GRAMD1B: variants seen among roughly 807,000 people sequenced by gnomAD.
GRAMD1B encodes the protein protein Aster-B.
In GRAMD1B, 37 loss-of-function variants were observed where a neutral mutation model predicts 99.7. The ratio of observed to expected loss-of-function variants is 0.37; its 90% CI spans 0.29 to 0.49. The LOEUF is 0.49. GRAMD1B is among the 20% of genes least tolerant of loss of function. The pLI, the probability that GRAMD1B is intolerant of heterozygous loss-of-function variation, is 0.98. For synonymous variants in GRAMD1B, 427 were observed against 387.6 expected, an observed-to-expected ratio of 1.10 and a Z score of -1.19; for missense variants, 888 against 1,009.2, an observed-to-expected ratio of 0.88 and a Z score of 1.63.
intron 1 of GRAMD1B, among the ~76,000 whole-genome samples, chr11:123,404,191 G>T (rs146996904): frequency 6.6e-6 from 1 of 152,294 alleles, no homozygotes; most frequent in African/African-American, 2.4e-5. Context: ...TTCTCTCATT[G>T]AGAAGCACGT....
At chr11:123,560,769 G>T in intron 2 of GRAMD1B, 1 of 451,184 alleles carries the variant, frequency 2.2e-6, no homozygotes, top group South Asian at 1.6e-5. Flanking sequence ...TTTGGAAGCG[G>T]TGGCTCTGTC....
At chr11:123,495,416 A>G (rs1405998304) in intron 2 of GRAMD1B, among the ~76,000 whole-genome samples, 1 of 152,168 alleles carries the variant, frequency 6.6e-6, no homozygotes, top group Non-Finnish European at 1.5e-5. Context: ...TTGTGTTACA[A>G]ACAATTCAGT....
chr11:123,610,090 G>C lies in GRAMD1B; in HGVS notation c.1777-106G>C. 1 of 1,007,392 alleles carries C rather than the reference G, an allele frequency of 9.9e-7. No individual in the cohort carries two copies. Among genetic ancestry groups the C allele is most frequent in the Non-Finnish European group, 1.5e-6 (1 of 667,172 alleles). 62.4% of individuals were successfully genotyped at this position (1,007,392 alleles called of 1,614,324 possible). On this transcript the variant is annotated intron_variant, in intron 13 of 19. Coordinates refer to ENST00000635736, the MANE Select transcript of GRAMD1B (RefSeq NM_001387025.1). The surrounding 1 kb of genome is among the most constrained non-coding windows in gnomAD (Gnocchi z 4.1). ...TGATTCCAGTGATCCTGGTTCTCCT[G>C]TTCAGAAGCCGTGGGGTGGGGTGGG...
At chr11:123,519,720 G>T (rs1942017468) in intron 2 of GRAMD1B, among the ~76,000 whole-genome samples, 1 of 152,250 alleles carries the variant, frequency 6.6e-6, no homozygotes, top group South Asian at 2.1e-4. Context: ...CAGAATCCAA[G>T]AACTTGAGCT....
At chr11:123,488,604 G>T (rs1418343696) in intron 2 of GRAMD1B, among the ~76,000 whole-genome samples, 1 of 152,192 alleles carries the variant, frequency 6.6e-6, no homozygotes, top group East Asian at 1.9e-4. Flanking sequence ...CGGAACGGAG[G>T]TGTGAACCTG....
At chr11:123,584,123 C>T (rs1949777901) in intron 3 of GRAMD1B, among the ~76,000 whole-genome samples, 189 bp from the exon 4 acceptor site, 1 of 151,866 alleles carries the variant, frequency 6.6e-6, no homozygotes, top group Admixed American at 6.6e-5. Context: ...TGGACTGCTC[C>T]CGGGCCTCCT....
At chr11:123,469,824 T>A (rs1476692143) in intron 1 of GRAMD1B, among the ~76,000 whole-genome samples, 1 of 133,222 alleles carries the variant, frequency 7.5e-6, no homozygotes, top group Non-Finnish European at 1.6e-5. Context: ...CTCTTTTTCT[T>A]CTTCCACCTG....
chr11:123,570,280 G>T (rs191083637), intron 2 of GRAMD1B, among the ~76,000 whole-genome samples: 1 of 152,166 alleles, frequency 6.6e-6, no homozygotes, highest in Non-Finnish European at 1.5e-5. Flanking sequence ...GATTCTGCAC[G>T]TTAAGGAAGC....
rs1331056304 is a variant in GRAMD1B, at chr11:123,610,163, C to T, written c.1777-33C>T. On this transcript the variant is annotated intron_variant, in intron 13 of 19. Coordinates refer to ENST00000635736, the MANE Select transcript of GRAMD1B (RefSeq NM_001387025.1). This position sits in a 1 kb window ranked among gnomAD's most constrained non-coding sequence, Gnocchi z 4.1. Reference sequence around the variant, plus strand: ...CTTTTCCAAGCTTCTTGCTCCTCTTCAGTTTTGTCCAATGGACCTTTCCTG... The same window carrying T: ...CTTTTCCAAGCTTCTTGCTCCTCTTTAGTTTTGTCCAATGGACCTTTCCTG... 2 of 1,611,922 alleles carry T rather than the reference C, an allele frequency of 1.2e-6. No individual in the cohort carries two copies. The highest frequency in any genetic ancestry group is 2.7e-5 in the African/African-American group (2 of 74,846).
In GRAMD1B at chr11:123,625,983, C is replaced by T. The variant is rs1019539700; in HGVS notation, c.*3388C>T. 2.3e-5 allele frequency: 2 copies of T among 88,672 alleles called. No homozygotes were observed. The highest frequency in any genetic ancestry group is 4.3e-5 in the African/African-American group (1 of 23,048). 5.5% of individuals were successfully genotyped at this position (88,672 alleles called of 1,614,324 possible). ...GAGAGAGAGAGAGAGAGAGAGAGAT[C>T]GAGCTTGATGTATTGCTCAGTATTC... On this transcript the variant is annotated 3_prime_UTR_variant, in exon 20 of 20. Transcript: ENST00000635736.
chr11:123,537,054 C>T (rs191160041), intron 2 of GRAMD1B, among the ~76,000 whole-genome samples: 38 of 152,270 alleles, frequency 2.5e-4, no homozygotes, highest in Admixed American at 2.1e-3. Flanking sequence ...CTTTCTGCCC[C>T]GTCTTGAATT....
intron 1 of GRAMD1B, among the ~76,000 whole-genome samples, chr11:123,374,366 A>G (rs1473611021): frequency 6.6e-6 from 1 of 152,186 alleles, no homozygotes; most frequent in Non-Finnish European, 1.5e-5. Context: ...CTCTCTCATA[A>G]TAAACCCTGT....
intron 1 of GRAMD1B, among the ~76,000 whole-genome samples, chr11:123,467,873 T>C (rs1195301658): frequency 1.4e-5 from 2 of 146,566 alleles, no homozygotes; most frequent in African/African-American, 2.5e-5. Context: ...CTTTCTTTCC[T>C]TTTTTGTTTT....
intron 1 of GRAMD1B, among the ~76,000 whole-genome samples, chr11:123,373,159 A>G (rs556994240): frequency 6.6e-6 from 1 of 152,314 alleles, no homozygotes; most frequent in South Asian, 2.1e-4. Context: ...ATAAATAAAT[A>G]AAATAATGAT....
At chr11:123,526,647 T>A (rs772050017) in intron 2 of GRAMD1B, among the ~76,000 whole-genome samples, 2 of 152,132 alleles carry the variant, frequency 1.3e-5, no homozygotes, top group Non-Finnish European at 2.9e-5. Flanking sequence ...GGGCAGTCCC[T>A]AGGGGCATCC....
rs763377469 is a variant in GRAMD1B, at chr11:123,603,432, T to G, written c.1057T>G (p.Cys353Gly). Reference sequence around the variant, plus strand: ...TTCCTTTTCTCCCCTGAAGCCTCTGTGTCCCAAGGAGCTCTGGCACTTTGT... The same window carrying G: ...TTCCTTTTCTCCCCTGAAGCCTCTGGGTCCCAAGGAGCTCTGGCACTTTGT... ...WQNALLEKPL[C>G]PKELWHFVHQ... Residue 353 changes from cysteine to glycine, a missense_variant, in exon 9 of 20, where the codon TGT becomes GGT. Around this residue, in one of 5 missense-constraint regions of GRAMD1B, gnomAD observed 269 missense variants for 296.6 expected, o/e 0.91. Transcript: ENST00000635736. 9 of 1,602,566 alleles carry G rather than the reference T, an allele frequency of 5.6e-6. No homozygotes were observed. Among genetic ancestry groups the G allele is most frequent in the Non-Finnish European group, 7.7e-6 (9 of 1,169,488 alleles).
At chr11:123,547,787 C>A (rs899134098) in intron 2 of GRAMD1B, among the ~76,000 whole-genome samples, 1 of 152,190 alleles carries the variant, frequency 6.6e-6, no homozygotes, top group Non-Finnish European at 1.5e-5. Context: ...TCTAGTTATG[C>A]CCCTTACTGA....
intron 1 of GRAMD1B, among the ~76,000 whole-genome samples, chr11:123,407,283 C>G (rs754052163): frequency 6.6e-6 from 1 of 151,012 alleles, no homozygotes; most frequent in Non-Finnish European, 1.5e-5. Context: ...TTTTTTTTCC[C>G]GGGGAACTCT....
intron 17 of GRAMD1B, among the ~76,000 whole-genome samples, chr11:123,615,301 A>T (rs1181603742): frequency 6.6e-6 from 1 of 152,258 alleles, no homozygotes; most frequent in Admixed American, 6.5e-5. Context: ...AATGCCTACA[A>T]TACAAGAAAA....
Sources: gnomAD v4.1 joint callset for allele counts (sites outside exome capture counted in the v4.1 genomes callset) on GRCh38, gnomAD v4.1.1 for gene constraint, gnomAD v4.1.1 regional missense constraint, Gnocchi (gnomAD v3.1) non-coding constraint, MANE v1.5 for transcripts, NCBI Gene and HGNC (gene_info 2026-07-23, HGNC 2026-07-21) for gene names.